Variants in RIT2 observed in about 807,000 individuals in gnomAD.
RIT2 encodes Ras like without CAAX 2.
RIT2 carries 24 observed loss-of-function variants against 23.7 expected under a neutral mutation model. That is an observed-to-expected ratio of 1.01 (90% CI 0.73 to 1.43). RIT2 has a LOEUF of 1.43. Among genes scored for constraint, RIT2 ranks in the 40% most tolerant of loss-of-function variants. RIT2 has a pLI of 0.00. For missense variants in RIT2, 236 were observed against 266.9 expected, an observed-to-expected ratio of 0.88 and a Z score of 0.81; for synonymous variants, 107 against 91.1, an observed-to-expected ratio of 1.17 and a Z score of -0.99.
intron 4 of RIT2, among the ~76,000 whole-genome samples, chr18:42,755,895 G>A (rs539204309): frequency 6.6e-6 from 1 of 152,202 alleles, no homozygotes; most frequent in South Asian, 2.1e-4. Flanking sequence ...CTGTCTTAGT[G>A]GTTCTCAGCT....
intron 2 of RIT2, among the ~76,000 whole-genome samples, chr18:42,987,964 A>T (rs1453071753): frequency 6.6e-6 from 1 of 152,192 alleles, no homozygotes; most frequent in Non-Finnish European, 1.5e-5. Context: ...CACCCGCATG[A>T]CCCAGACACC....
Position 43,060,452 on chromosome 18 carries a change from CTTACAG to C in RIT2, c.104-26591_104-26586del, listed in dbSNP as rs1912617976. Reference sequence around the variant, plus strand: ...GAATAATCCAGCAGATAAAATTGCACTTACAGTTAAAAGCCCAAATGGTCAGCAATG... The same window carrying C: ...GAATAATCCAGCAGATAAAATTGCACTTAAAAGCCCAAATGGTCAGCAATG... On this transcript the variant is annotated intron_variant, in intron 1 of 4. Coordinates refer to ENST00000326695, the MANE Select transcript of RIT2 (RefSeq NM_002930.4). Among the ~76,000 whole-genome samples, 4 of 152,104 alleles carry C rather than the reference CTTACAG, an allele frequency of 2.6e-5. No homozygotes were observed. The South Asian group carries it at 8.3e-4, about 32-fold the overall frequency.
chr18:42,840,916 G>C (rs118021549), intron 4 of RIT2, among the ~76,000 whole-genome samples: 4,927 of 152,314 alleles, frequency 0.032, 110 homozygotes, highest in Non-Finnish European at 0.046. Context: ...AACCGCGTCT[G>C]TCATATGGTA....
intron 4 of RIT2, among the ~76,000 whole-genome samples, chr18:42,905,167 C>T (rs1281549554): frequency 6.6e-6 from 1 of 151,928 alleles, no homozygotes; most frequent in Non-Finnish European, 1.5e-5. Flanking sequence ...GCTGGTAATG[C>T]AAAGAACTAG....
chr18:42,881,817 CA>C (rs1002646000), intron 4 of RIT2, among the ~76,000 whole-genome samples: 33 of 152,064 alleles, frequency 2.2e-4, no homozygotes, highest in African/African-American at 7.2e-4. Flanking sequence ...TTCCAAGGTC[CA>C]GAATTATATC....
intron 3 of RIT2, among the ~76,000 whole-genome samples, chr18:42,941,646 C>T (rs1252042486): frequency 6.6e-6 from 1 of 152,032 alleles, no homozygotes; most frequent in Non-Finnish European, 1.5e-5. Context: ...CATCAATTTT[C>T]TATGGGGAAA....
intron 4 of RIT2, among the ~76,000 whole-genome samples, chr18:42,900,793 A>G (rs1029861826): frequency 1.3e-5 from 2 of 152,066 alleles, no homozygotes; most frequent in African/African-American, 4.8e-5. Context: ...GAAAGGGGAA[A>G]AATATGAATT....
intron 4 of RIT2, among the ~76,000 whole-genome samples, chr18:42,916,447 C>A (rs1908912397): frequency 6.6e-6 from 1 of 152,078 alleles, no homozygotes. Context: ...TAAAGAATTG[C>A]TACTCTGTTT....
chr18:43,047,857 T>C (rs1351833719), intron 1 of RIT2, among the ~76,000 whole-genome samples: 1 of 152,158 alleles, frequency 6.6e-6, no homozygotes, highest in Non-Finnish European at 1.5e-5. Flanking sequence ...TCCTCTTTAA[T>C]AAATTACATT....
At chr18:42,816,069 C>G (rs1289464941) in intron 4 of RIT2, among the ~76,000 whole-genome samples, 1 of 151,674 alleles carries the variant, frequency 6.6e-6, no homozygotes, top group Non-Finnish European at 1.5e-5. Context: ...TCAGCTGATA[C>G]GTCCTTTGGA....
At chr18:42,931,102 T>C (rs866203853) in intron 3 of RIT2, among the ~76,000 whole-genome samples, 6 of 152,088 alleles carry the variant, frequency 3.9e-5, no homozygotes, top group Non-Finnish European at 7.4e-5. Flanking sequence ...GACTCTAACC[T>C]ACCTGAGCAT....
intron 4 of RIT2, among the ~76,000 whole-genome samples, chr18:42,792,569 T>C (rs1438184877): frequency 1.3e-5 from 2 of 152,138 alleles, no homozygotes; most frequent in Non-Finnish European, 2.9e-5. Context: ...TCATATTCAT[T>C]CTCTAATTTA....
At chr18:42,844,008 G>T (rs1906838856) in intron 4 of RIT2, among the ~76,000 whole-genome samples, 1 of 152,200 alleles carries the variant, frequency 6.6e-6, no homozygotes, top group South Asian at 2.1e-4. Flanking sequence ...TAATTAAAGT[G>T]ATGCAGGATT....
At chr18:42,780,058 T>TG (rs1482480929) in intron 4 of RIT2, among the ~76,000 whole-genome samples, 1 of 135,752 alleles carries the variant, frequency 7.4e-6, no homozygotes, top group African/African-American at 2.7e-5. Flanking sequence ...TTTTTTTTTT[T>TG]TTTTTTTTTT....
At chr18:42,836,322 C>T (rs1013872034) in intron 4 of RIT2, among the ~76,000 whole-genome samples, 3 of 151,934 alleles carry the variant, frequency 2.0e-5, no homozygotes, top group East Asian at 1.9e-4. Flanking sequence ...GTATCATCAG[C>T]GGCTGAGCTA....
chr18:42,842,782 A>T (rs1243583420), intron 4 of RIT2, among the ~76,000 whole-genome samples: 1 of 152,184 alleles, frequency 6.6e-6, no homozygotes, highest in East Asian at 1.9e-4. Context: ...CAAAAAATTC[A>T]GTCATCCCAG....
At chr18:42,819,153 C>T (rs1485518300) in intron 4 of RIT2, among the ~76,000 whole-genome samples, 1 of 151,998 alleles carries the variant, frequency 6.6e-6, no homozygotes, top group Non-Finnish European at 1.5e-5. Context: ...GTTTCTCTTT[C>T]TGCCTTATAT....
At chr18:42,794,330 A>G (rs137927831) in intron 4 of RIT2, among the ~76,000 whole-genome samples, 6 of 152,314 alleles carry the variant, frequency 3.9e-5, no homozygotes, top group Admixed American at 1.3e-4. Context: ...AATCTTTTCA[A>G]TCATTGGAAT....
intron 3 of RIT2, 50 bp downstream of exon 3, chr18:42,974,024 A>G: frequency 1.0e-5 from 12 of 1,188,978 alleles, no homozygotes; most frequent in Non-Finnish European, 1.5e-5. Flanking sequence ...ATTTGAAGCT[A>G]AAGCATAAAA....
Sources: allele counts gnomAD v4.1 joint callset (sites outside exome capture counted in the v4.1 genomes callset), GRCh38; gene constraint gnomAD v4.1.1; transcripts MANE v1.5; gene names NCBI Gene and HGNC (gene_info 2026-07-23, HGNC 2026-07-21).